Variants in NHS observed in about 807,000 individuals in gnomAD.
NHS encodes actin remodeling regulator NHS.
A neutral mutation model predicts 72.5 loss-of-function variants in NHS; 5 were observed. The ratio of observed to expected loss-of-function variants is 0.07; its 90% CI spans 0.04 to 0.14. NHS has a LOEUF of 0.14. Ranked by LOEUF, NHS falls within the 10% of genes least tolerant of loss-of-function variation. The pLI, the probability that NHS is intolerant of heterozygous loss-of-function variation, is 1.00. For synonymous variants in NHS, 464 were observed against 547.7 expected (o/e 0.85, Z 2.13); for missense variants, 1,072 against 1,355.7 (o/e 0.79, Z 3.29).
At chrX:17,611,176 T>C (rs1194526958) in intron 1 of NHS, among the ~76,000 whole-genome samples, 1 of 112,503 alleles carries the variant, frequency 8.9e-6, no homozygotes, top group African/African-American at 3.2e-5. Flanking sequence ...CTTGTTTTGG[T>C]TGGTTATTTG....
Position 17,719,351 on chromosome X carries a change from G to C in NHS, c.860G>C (p.Ser287Thr). Residue 287 changes from serine (S) to threonine (T), a missense_variant, in exon 4 of 9, where the codon AGC (serine) becomes ACC (threonine). By Grantham distance (58) the Ser-to-Thr change is moderately conservative. Transcript: ENST00000676302. ...TGCATTTCATGTTCATAGTTTAACA[G>C]CACCCGTTCGCCCTCCCCCACTGAA... ...FKDRHFLTFN[S>T]TRSPSPTECC... 1 of 1,166,095 alleles carries C rather than the reference G, an allele frequency of 8.6e-7. No individual in the cohort carries two copies. The highest frequency in any genetic ancestry group is 1.1e-6 in the Non-Finnish European group (1 of 872,186).
At chrX:17,585,902 AGT>A (rs1292374559) in intron 1 of NHS, 3 of 110,801 alleles carry the variant, frequency 2.7e-5, no homozygotes, top group African/African-American at 9.9e-5. Context: ...AAATAATAAG[AGT>A]GTGTCTCTGT....
At chrX:17,729,370 AAC>A (rs199573490) in intron 8 of NHS, among the ~76,000 whole-genome samples, 3 of 111,922 alleles carry the variant, frequency 2.7e-5, no homozygotes, top group South Asian at 7.3e-4. Context: ...AAACTTAGAG[AAC>A]ACACACACAC....
At position 17,731,716 on chromosome X, in the gene NHS, T is replaced by G. The variant is rs1479464044; in HGVS notation, c.4350-142T>G. Reference sequence around the variant, plus strand: ...GAACATATCTTACTTTTCATCTCTATAGCCCTAATGCTTAGTATCCCATCA... The same window carrying G: ...GAACATATCTTACTTTTCATCTCTAGAGCCCTAATGCTTAGTATCCCATCA... On this transcript the variant is annotated intron_variant, in intron 8 of 8. Transcript: ENST00000676302. 8.0e-6 allele frequency: 6 copies of G among 749,630 alleles called. No individual in the cohort carries two copies. In the East Asian group the frequency reaches 1.9e-4, roughly 24 times the overall value. 61.8% of individuals were successfully genotyped at this position (749,630 alleles called of 1,213,427 possible).
intron 1 of NHS, among the ~76,000 whole-genome samples, chrX:17,660,122 T>A (rs899369591): frequency 3.6e-5 from 4 of 112,242 alleles, no homozygotes; most frequent in Non-Finnish European, 7.5e-5. Flanking sequence ...ATAAAATGGA[T>A]ACACAGGATT....
intron 3 of NHS, among the ~76,000 whole-genome samples, chrX:17,702,300 A>G (rs763305661): frequency 1.1e-4 from 12 of 112,088 alleles, no homozygotes; most frequent in Non-Finnish European, 1.7e-4. Flanking sequence ...CTAACCTTTA[A>G]TAACTTTGGA....
chrX:17,501,682 A>G (rs768380960), intron 1 of NHS, among the ~76,000 whole-genome samples: 10 of 111,775 alleles, frequency 8.9e-5, no homozygotes, highest in African/African-American at 3.2e-4. Context: ...AGCCATGATT[A>G]CACCAACTGC....
At chrX:17,476,728 A>G (rs1388631037) in intron 1 of NHS, among the ~76,000 whole-genome samples, 2 of 111,869 alleles carry the variant, frequency 1.8e-5, no homozygotes, top group Non-Finnish European at 3.8e-5. Flanking sequence ...TGGAGTATTT[A>G]TACACCAACC....
At chrX:17,604,988 T>C (rs780106841) in intron 1 of NHS, among the ~76,000 whole-genome samples, 2 of 111,662 alleles carry the variant, frequency 1.8e-5, no homozygotes, top group Non-Finnish European at 3.8e-5. Context: ...TGCCTCCCAG[T>C]TTGACTTGAG....
At chrX:17,652,261 C>T (rs1433742815) in intron 1 of NHS, among the ~76,000 whole-genome samples, 1 of 112,764 alleles carries the variant, frequency 8.9e-6, no homozygotes, top group Admixed American at 9.4e-5. Context: ...TCAGTAAAAA[C>T]ATCAGTATGT....
At chrX:17,683,429 G>C (rs1315883811) in intron 1 of NHS, among the ~76,000 whole-genome samples, 1 of 111,619 alleles carries the variant, frequency 9.0e-6, no homozygotes, top group Non-Finnish European at 1.9e-5. Context: ...CTTAGCTTAG[G>C]GAAACTTATT....
chrX:17,468,752 G>A (rs752314007), intron 1 of NHS, among the ~76,000 whole-genome samples: 3 of 110,504 alleles, frequency 2.7e-5, no homozygotes, highest in South Asian at 3.9e-4. Context: ...ACAGGGTCCC[G>A]GTATGTTGCC....
intron 1 of NHS, among the ~76,000 whole-genome samples, chrX:17,575,031 C>T (rs1048442340): frequency 1.8e-4 from 20 of 111,807 alleles, no homozygotes; most frequent in African/African-American, 6.5e-4. Context: ...CAGTAACATC[C>T]GCTGCCTCCT....
chrX:17,661,595 C>T (rs964844819), intron 1 of NHS, among the ~76,000 whole-genome samples: 3 of 112,028 alleles, frequency 2.7e-5, no homozygotes, highest in Non-Finnish European at 5.6e-5. Flanking sequence ...CCTGCAGAAA[C>T]AGGCTAGTGG....
intron 1 of NHS, among the ~76,000 whole-genome samples, chrX:17,556,471 A>T (rs1296621805): frequency 4.4e-5 from 4 of 91,009 alleles, no homozygotes; most frequent in African/African-American, 3.3e-4. Context: ...AAAGATGATT[A>T]AAGAAACAAC....
chrX:17,616,628 C>T (rs889971649), intron 1 of NHS, among the ~76,000 whole-genome samples: 7 of 112,294 alleles, frequency 6.2e-5, no homozygotes, highest in African/African-American at 9.7e-5. Flanking sequence ...CCATTGCACA[C>T]GTGCAGTGCA....
chrX:17,618,680 T>C (rs1484336090), intron 1 of NHS, among the ~76,000 whole-genome samples: 1 of 112,200 alleles, frequency 8.9e-6, no homozygotes, highest in Non-Finnish European at 1.9e-5. Context: ...GGCCAGGCAT[T>C]AGTTTCTTCT....
At chrX:17,540,282 C>T (rs892873492) in intron 1 of NHS, among the ~76,000 whole-genome samples, 5 of 111,597 alleles carry the variant, frequency 4.5e-5, no homozygotes, top group Non-Finnish European at 9.4e-5. Flanking sequence ...ATATCTCAGC[C>T]AGGTAGACAT....
At chrX:17,443,608 A>G (rs912644865) in intron 1 of NHS, among the ~76,000 whole-genome samples, 1 of 111,656 alleles carries the variant, frequency 9.0e-6, no homozygotes, top group Non-Finnish European at 1.9e-5. Context: ...TGGCAGTAGC[A>G]ATACCGCTAA....
Sources: gnomAD v4.1 joint callset for allele counts (sites outside exome capture counted in the v4.1 genomes callset) on GRCh38, gnomAD v4.1.1 for gene constraint, MANE v1.5 for transcripts, NCBI Gene and HGNC (gene_info 2026-07-23, HGNC 2026-07-21) for gene names.